TENM2: variants seen among roughly 807,000 people sequenced by gnomAD.
The protein encoded by TENM2 is teneurin-2.
Under a neutral mutation model 245.2 loss-of-function variants are expected in TENM2, and 52 were observed. The observed-to-expected ratio is 0.21, with a 90% CI of 0.17 to 0.27. The LOEUF (loss-of-function observed/expected upper bound fraction) is 0.27. Among genes scored for constraint, TENM2 ranks in the 10% least tolerant of loss-of-function variants. The pLI, the probability that TENM2 is intolerant of heterozygous loss-of-function variation, is 1.00. For missense variants in TENM2, 3,046 were observed against 3,666.8 expected, an observed-to-expected ratio of 0.83 and a Z score of 4.37; for synonymous variants, 1,363 against 1,438.9, an observed-to-expected ratio of 0.95 and a Z score of 1.19.
At chr5:168,010,203 A>G (rs1283810643) in intron 5 of TENM2, among the ~76,000 whole-genome samples, 3 of 152,366 alleles carry the variant, frequency 2.0e-5, no homozygotes, top group Middle Eastern at 3.4e-3. Context: ...CCAGGTTAGA[A>G]TAATCATAGG....
the TENM2 span, among the ~76,000 whole-genome samples, chr5:167,275,760 G>A: frequency 6.6e-6 from 1 of 152,012 alleles, no homozygotes; most frequent in East Asian, 1.9e-4. Flanking sequence ...TTTTCTTGTA[G>A]ATTCCTTGAG....
At chr5:167,564,022 T>C (rs1205338141) in intron 2 of TENM2, among the ~76,000 whole-genome samples, 3 of 152,228 alleles carry the variant, frequency 2.0e-5, no homozygotes, top group Non-Finnish European at 4.4e-5. Flanking sequence ...GTCTATCCTA[T>C]GTACCAGCCA....
At chr5:167,637,864 A>C (rs279388) in intron 2 of TENM2, among the ~76,000 whole-genome samples, 128,969 of 151,862 alleles carry the variant, frequency 0.85, 55,133 homozygotes, top group Middle Eastern at 0.91. Flanking sequence ...CTAATGCATG[A>C]GGAGCTTAAA....
At chr5:167,215,504 G>C in the TENM2 span, among the ~76,000 whole-genome samples, 1 of 152,172 alleles carries the variant, frequency 6.6e-6, no homozygotes, top group African/African-American at 2.4e-5. Flanking sequence ...GAGGCAGGGA[G>C]CTCCCAGGCA....
the TENM2 span, among the ~76,000 whole-genome samples, chr5:167,164,717 C>T: frequency 8.6e-5 from 13 of 152,000 alleles, no homozygotes; most frequent in South Asian, 6.2e-4. Flanking sequence ...ATTTGGGGGA[C>T]TTTGTTATTT....
chr5:168,049,580 GC>G (rs1295028731), intron 6 of TENM2, among the ~76,000 whole-genome samples: 1 of 152,168 alleles, frequency 6.6e-6, no homozygotes, highest in Non-Finnish European at 1.5e-5. Context: ...CTCCCCACCA[GC>G]TTTTGCATCC....
chr5:167,733,962 C>T (rs1019017779), intron 2 of TENM2, among the ~76,000 whole-genome samples: 12 of 152,200 alleles, frequency 7.9e-5, no homozygotes, highest in African/African-American at 2.9e-4. Context: ...CCCAAGGTCA[C>T]GTCTCATACG....
intron 2 of TENM2, among the ~76,000 whole-genome samples, chr5:167,596,576 G>A (rs1776226847): frequency 1.3e-5 from 2 of 152,044 alleles, no homozygotes; most frequent in Admixed American, 6.6e-5. Flanking sequence ...GGCGGATCAC[G>A]AGGTTAGGAG....
At chr5:167,614,749 G>A (rs1391443956) in intron 2 of TENM2, among the ~76,000 whole-genome samples, 1 of 152,082 alleles carries the variant, frequency 6.6e-6, no homozygotes, top group African/African-American at 2.4e-5. Context: ...AAATAAACAA[G>A]GAGAAATGGG....
At chr5:168,226,665 T>C (rs1764219351) in intron 24 of TENM2, among the ~76,000 whole-genome samples, 1 of 152,166 alleles carries the variant, frequency 6.6e-6, no homozygotes, top group East Asian at 1.9e-4. Context: ...TCATATTTTC[T>C]TGTTCCATCC....
chr5:167,680,356 A>G (rs1256471871), intron 2 of TENM2, among the ~76,000 whole-genome samples: 1 of 151,706 alleles, frequency 6.6e-6, no homozygotes, highest in African/African-American at 2.4e-5. Context: ...AAAGGTTTCC[A>G]GGTAAAAAGG....
intron 4 of TENM2, among the ~76,000 whole-genome samples, chr5:167,964,634 CACAG>C (rs1781255505): frequency 6.6e-6 from 1 of 152,098 alleles, no homozygotes; most frequent in South Asian, 2.1e-4. Context: ...CAGTAAGTGC[CACAG>C]ACGGCTGAAG....
chr5:167,377,695 CTT>C (rs766905628), intron 2 of TENM2, among the ~76,000 whole-genome samples: 1 of 152,204 alleles, frequency 6.6e-6, no homozygotes, highest in African/African-American at 2.4e-5. Flanking sequence ...ACTTCTTGCT[CTT>C]TCTCTCTGAC....
intron 5 of TENM2, among the ~76,000 whole-genome samples, chr5:167,996,479 G>A (rs1259381013): frequency 6.6e-6 from 1 of 152,168 alleles, no homozygotes; most frequent in Non-Finnish European, 1.5e-5. Flanking sequence ...GAATTTTTCT[G>A]TGAAATGCAA....
In TENM2 at chr5:168,165,889, C is replaced by A. The variant is rs1262876768; in HGVS notation, c.2569+3132C>A. ...TATGTCAGGTGAGAGGGGTAGACAC[C>A]AATTCTCTCTCACCTGGCATAAGCA... On this transcript the variant is annotated intron_variant, in intron 13 of 28. Coordinates refer to ENST00000518659, the Ensembl canonical transcript of TENM2. The A allele has an allele frequency of 2.6e-5, 4 of 151,508 alleles. No individual in the cohort carries two copies. In the East Asian group the frequency reaches 7.8e-4, roughly 29 times the overall value. The allele number at this position is 151,508 out of a possible 1,614,324, so 9.4% of individuals were successfully genotyped here.
At chr5:167,878,998 G>A (rs1773661894) in intron 3 of TENM2, among the ~76,000 whole-genome samples, 1 of 152,088 alleles carries the variant, frequency 6.6e-6, no homozygotes, top group African/African-American at 2.4e-5. Context: ...ATTATTTCCT[G>A]CTCTCCTCTT....
intron 2 of TENM2, among the ~76,000 whole-genome samples, chr5:167,801,263 T>G (rs188625113): frequency 6.6e-6 from 1 of 151,512 alleles, no homozygotes; most frequent in East Asian, 2.0e-4. Context: ...ATAATTTATT[T>G]TTATTACATT....
Position 167,290,764 on chromosome 5 carries a change from CA to C in TENM2, c.226+5703del, listed in dbSNP as rs1181070600. 2.4e-5 allele frequency among the ~76,000 whole-genome samples: 3 copies of C among 127,378 alleles called. No individual in the cohort carries two copies. The East Asian group carries it at 7.1e-4, about 30-fold the overall frequency. The allele number at this position is 127,378 out of a possible 152,430, so 83.6% of individuals were successfully genotyped here. A position where few individuals can be genotyped will look rare whatever the true frequency, so the allele number is the denominator to read the frequency against. ...GAGAGTTGCTAGTCAGACAATTTTA[CA>C]AGTCAAAAAAAAAAAAAATAGATTG... is the stretch of plus-strand genomic sequence containing the variant. On this transcript the variant is annotated intron_variant, in intron 1 of 28. Coordinates refer to ENST00000518659, the Ensembl canonical transcript of TENM2.
At chr5:167,119,315 G>A in the TENM2 span, among the ~76,000 whole-genome samples, 1 of 152,144 alleles carries the variant, frequency 6.6e-6, no homozygotes, top group Non-Finnish European at 1.5e-5. Context: ...TTAACGCAAG[G>A]TGAAAGAAAA....
Sources: allele counts gnomAD v4.1 joint callset (sites outside exome capture counted in the v4.1 genomes callset), GRCh38; gene constraint gnomAD v4.1.1; transcripts MANE v1.5; gene names NCBI Gene and HGNC (gene_info 2026-07-23, HGNC 2026-07-21).